Variants in SH2D3A observed in about 807,000 individuals in gnomAD.
SH2D3A encodes SH2 domain containing 3A, also known as SH2 domain-containing protein 3A.
In SH2D3A, 46 loss-of-function variants were observed where a neutral mutation model predicts 50.6. The observed-to-expected ratio is 0.91, with a 90% confidence interval of 0.72 to 1.16. The LOEUF is 1.16. SH2D3A is among the 50% of genes most tolerant of loss of function. SH2D3A has a pLI of 0.00. For synonymous variants in SH2D3A, 377 were observed against 348.4 expected, an observed-to-expected ratio of 1.08 and a Z score of -0.91; for missense variants, 783 against 786.2, an observed-to-expected ratio of 1.00 and a Z score of 0.05.
At position 6,752,297 on chromosome 19, in the gene SH2D3A, C is replaced by CTG. The variant is rs1210024545; in HGVS notation, c.*294_*295dup. 3 of 308,574 alleles carry CTG rather than the reference C, an allele frequency of 9.7e-6. No individual in the cohort carries two copies. Among genetic ancestry groups the CTG allele is most frequent in the African/African-American group, 2.1e-5 (1 of 46,582 alleles). 19.1% of individuals were successfully genotyped at this position (308,574 alleles called of 1,614,324 possible). A position where few individuals can be genotyped will look rare whatever the true frequency, so the allele number is the denominator to read the frequency against. On this transcript the variant is annotated 3_prime_UTR_variant, in exon 10 of 10. Coordinates refer to ENST00000245908, the MANE Select transcript of SH2D3A (RefSeq NM_005490.3). ...CTCCCAAAGTGCTGAGATTACAGGC[C>CTG]TGAGCTGCTGTATGGCTATGATTTT...
chr19:6,754,809 AGCATCCCAGGAGGTGACCCACCTG>A lies in SH2D3A; in HGVS notation c.979_981+21del, dbSNP rs1969554666. 6.2e-7 allele frequency: 1 copy of A among 1,611,312 alleles called. No homozygotes were observed. Among genetic ancestry groups the A allele is most frequent in the Admixed American group, 1.7e-5 (1 of 59,900 alleles). On this transcript the variant is annotated splice_donor_variant and splice_donor_5th_base_variant and coding_sequence_variant and intron_variant, in exon 5 of 10. Coordinates refer to ENST00000245908, the MANE Select transcript of SH2D3A (RefSeq NM_005490.3). LOFTEE classifies it high-confidence loss of function. ...GGGTCTTGCCCTGGGCCTGGGGAGGAGCATCCCAGGAGGTGACCCACCTGGCAGTCTACCAATAGCAGGTGAAGG... is the reference window on the plus strand; with the variant it reads ...GGGTCTTGCCCTGGGCCTGGGGAGGAGCAGTCTACCAATAGCAGGTGAAGG...
At position 6,760,637 on chromosome 19, in the gene SH2D3A, C is replaced by G; in HGVS notation, c.419+1G>C. 6.4e-7 allele frequency: 1 copy of G among 1,561,920 alleles called. No individual in the cohort carries two copies. Among genetic ancestry groups the G allele is most frequent in the Non-Finnish European group, 8.7e-7 (1 of 1,150,886 alleles). On this transcript the variant is annotated splice_donor_variant, in intron 3 of 9. Transcript: ENST00000245908. LOFTEE classifies it high-confidence loss of function. Reference sequence around the variant, plus strand: ...CAAGGAGGCAGGGAGACTGTGAGTACCTGAGAGGCTCTATCCGAGCTGGGC... The same window carrying G: ...CAAGGAGGCAGGGAGACTGTGAGTAGCTGAGAGGCTCTATCCGAGCTGGGC...
At chr19:6,764,923 G>C (rs916135415) in intron 1 of SH2D3A, among the ~76,000 whole-genome samples, 2 of 146,520 alleles carry the variant, frequency 1.4e-5, no homozygotes, top group African/African-American at 5.2e-5. Flanking sequence ...TGTTGCCCAG[G>C]CTGGAGTGCA....
chr19:6,752,595 A>G lies in SH2D3A; in HGVS notation c.1729T>C (p.Ter577ArgextTer54), dbSNP rs1046020720. ...VLSQRLEPDR[*>R] is the part of the protein sequence containing the mutation. ...TGTGAAGAAGGGTGTCTGCGCTCTC[A>G]GCGGTCAGGCTCCAGGCGCTGCGAC... The change falls in exon 10 of 10, where the codon TGA becomes CGA. Residue 577 changes from the stop codon to arginine (R), a stop_lost. Coordinates refer to ENST00000245908, the MANE Select transcript of SH2D3A (RefSeq NM_005490.3). 2 of 1,548,344 alleles carry G rather than the reference A, an allele frequency of 1.3e-6. No homozygotes were observed. The highest frequency in any genetic ancestry group is 1.7e-4 in the Middle Eastern group (1 of 5,910).
At position 6,753,106 on chromosome 19, in the gene SH2D3A, C is replaced by A. The variant is rs549985816; in HGVS notation, c.1570+350G>T. On this transcript the variant is annotated intron_variant, in intron 9 of 9. Coordinates refer to ENST00000245908, the MANE Select transcript of SH2D3A (RefSeq NM_005490.3). Reference sequence around the variant, plus strand: ...GGGGGATCTTGCCGGGTGGGCTGCCCTAGGATAGGACGGAGGAGTCGTTTT... The same window carrying A: ...GGGGGATCTTGCCGGGTGGGCTGCCATAGGATAGGACGGAGGAGTCGTTTT... 6 of 985,176 alleles carry A rather than the reference C, an allele frequency of 6.1e-6. No homozygotes were observed. In the South Asian group the frequency reaches 2.8e-4, roughly 46 times the overall value. The allele number at this position is 985,176 out of a possible 1,614,324, so 61.0% of individuals were successfully genotyped here.
In SH2D3A at chr19:6,755,032, G is replaced by T; in HGVS notation, c.780C>A (p.Ala260=). The T allele has an allele frequency of 6.2e-7, 1 of 1,613,940 alleles. No individual in the cohort carries two copies. The highest frequency in any genetic ancestry group is 8.5e-7 in the Non-Finnish European group (1 of 1,179,996). Residue 260 remains alanine, a synonymous_variant, in exon 5 of 10, where the codon GCC becomes GCA. Transcript: ENST00000245908. ...TATTCTCTTCCTCCTCATCCTCCTC[G>T]GCCTCCCACCATGGGGCCTCTGGCT... The part of the protein sequence containing the change: ...CPEPEAPWWE[A]EEDEEEENRC...
chr19:6,752,723 G>T lies in SH2D3A; in HGVS notation c.1601C>A (p.Ala534Asp). The part of the protein sequence containing the change: ...GFRPNPELRE[A>D]LTTGFVRRLL... ...CCTCCGCACGAAGCCGGTGGTCAGG[G>T]CCTCCCTCAGCTCCGGGTTAGGCCG... Residue 534 changes from alanine to aspartate, a missense_variant, in exon 10 of 10, where the codon GCC (alanine) becomes GAC (aspartate). Physicochemically the swap from Ala to Asp is moderately radical, Grantham distance 126 (BLOSUM62 -2). Transcript: ENST00000245908. The T allele has an allele frequency of 6.4e-7, 1 of 1,551,572 alleles. No individual in the cohort carries two copies.
In SH2D3A at chr19:6,753,449, C is replaced by A; in HGVS notation, c.1570+7G>T. 1 of 1,494,562 alleles carries A rather than the reference C, an allele frequency of 6.7e-7. No individual in the cohort carries two copies. The allele number at this position is 1,494,562 out of a possible 1,614,324, so 92.6% of individuals were successfully genotyped here. A position where few individuals can be genotyped will look rare whatever the true frequency, so the allele number is the denominator to read the frequency against. ...AGTCTGCAGTCCAGCGCAGAGGGAACGCTCACCTCGCAGGCGCTGGGCTGC... is the reference window on the plus strand; with the variant it reads ...AGTCTGCAGTCCAGCGCAGAGGGAAAGCTCACCTCGCAGGCGCTGGGCTGC... On this transcript the variant is annotated splice_region_variant and intron_variant, in intron 9 of 9. Transcript: ENST00000245908.
intron 1 of SH2D3A, among the ~76,000 whole-genome samples, chr19:6,764,933 A>C (rs948990901): frequency 1.4e-5 from 2 of 139,236 alleles, no homozygotes; most frequent in Non-Finnish European, 3.0e-5. Context: ...GCTGGAGTGC[A>C]GTGGCATGAT....
In SH2D3A at chr19:6,754,084, T is replaced by A; in HGVS notation, c.1352A>T (p.Lys451Met). The change falls in exon 8 of 10, where the codon AAG becomes ATG. Residue 451 changes from lysine (K) to methionine (M), a missense_variant. Transcript: ENST00000245908. ...CTCATCCAGAGCCCGCATCAGCGGC[T>A]TCAGCTCCTGCTCAAAGGCCAGCGC... Reference protein sequence around the residue: ...EAALAFEQELKPLMRALDEGA... With the variant: ...EAALAFEQELMPLMRALDEGA... 1 of 1,612,006 alleles carries A rather than the reference T, an allele frequency of 6.2e-7. No individual in the cohort carries two copies. Among genetic ancestry groups the A allele is most frequent in the Non-Finnish European group, 8.5e-7 (1 of 1,178,854 alleles).
At position 6,752,588 on chromosome 19, in the gene SH2D3A, C is replaced by G; in HGVS notation, c.*5G>C. 1 of 1,538,854 alleles carries G rather than the reference C, an allele frequency of 6.5e-7. No individual in the cohort carries two copies. Among genetic ancestry groups the G allele is most frequent in the Non-Finnish European group, 8.8e-7 (1 of 1,138,926 alleles). ...TCCCGGGTGTGAAGAAGGGTGTCTG[C>G]GCTCTCAGCGGTCAGGCTCCAGGCG... On this transcript the variant is annotated 3_prime_UTR_variant, in exon 10 of 10. Transcript: ENST00000245908.
In SH2D3A at chr19:6,759,661, C is replaced by T; in HGVS notation, c.429G>A (p.Lys143=). The T allele has an allele frequency of 6.2e-7, 1 of 1,613,802 alleles. No homozygotes were observed. Among genetic ancestry groups the T allele is most frequent in the Non-Finnish European group, 8.5e-7 (1 of 1,179,780 alleles). ...AATCTGCAGGCTGACTGTTGCTCCA[C>T]TTCCTTGCCCTGGGGGACAGAAGTG... is the stretch of plus-strand genomic sequence containing the variant. The part of the protein sequence containing the change: ...PARIEPLRAR[K]WSNSQPADLA... Residue 143 remains lysine (K), a synonymous_variant, in exon 4 of 10, where the codon AAG becomes AAA. Coordinates refer to ENST00000245908, the MANE Select transcript of SH2D3A (RefSeq NM_005490.3).
chr19:6,753,409 T>C, intron 9 of SH2D3A, 47 bp downstream of exon 9: 1 of 1,428,788 alleles, frequency 7.0e-7, no homozygotes, highest in Non-Finnish European at 9.2e-7. Context: ...GGTTAGAACC[T>C]GCAGGGTGCT....
At position 6,753,655 on chromosome 19, in the gene SH2D3A, G is replaced by A. The variant is rs1969460733; in HGVS notation, c.1385-14C>T. The A allele has an allele frequency of 3.2e-6, 5 of 1,549,064 alleles. No homozygotes were observed. The highest frequency in any genetic ancestry group is 1.4e-5 in the African/African-American group (1 of 73,984). On this transcript the variant is annotated splice_polypyrimidine_tract_variant and intron_variant, in intron 8 of 9. Transcript: ENST00000245908. ...GGTCGCAGGGTCCTGCGGAGGGGGA[G>A]GGTCTGATCAGGGTTTGGGGCTGTA...
At chr19:6,759,333 G>T in intron 4 of SH2D3A, 1 of 329,384 alleles carries the variant, frequency 3.0e-6, no homozygotes, top group Non-Finnish European at 5.8e-6. Flanking sequence ...GGCTGGTCTC[G>T]AATTCCTGAC....
chr19:6,757,092 C>G (rs965563665), intron 4 of SH2D3A, among the ~76,000 whole-genome samples: 6 of 151,922 alleles, frequency 3.9e-5, no homozygotes, highest in African/African-American at 1.5e-4. Context: ...GTCTTGATCT[C>G]TTGACCTCGT....
At chr19:6,756,619 T>C (rs1969695412) in intron 4 of SH2D3A, among the ~76,000 whole-genome samples, 1 of 152,140 alleles carries the variant, frequency 6.6e-6, no homozygotes, top group Non-Finnish European at 1.5e-5. Context: ...CCTGGACTAT[T>C]AGTACTTAAA....
chr19:6,753,452 T>G lies in SH2D3A; in HGVS notation c.1570+4A>C. On this transcript the variant is annotated splice_donor_region_variant and intron_variant, in intron 9 of 9. Transcript: ENST00000245908. ...CTGCAGTCCAGCGCAGAGGGAACGC[T>G]CACCTCGCAGGCGCTGGGCTGCCAC... 6.7e-7 allele frequency: 1 copy of G among 1,498,114 alleles called. No homozygotes were observed. Among genetic ancestry groups the G allele is most frequent in the Middle Eastern group, 1.7e-4 (1 of 5,762 alleles). 92.8% of individuals were successfully genotyped at this position (1,498,114 alleles called of 1,614,324 possible).
chr19:6,753,408 C>G (rs1461319066), intron 9 of SH2D3A, 48 bp downstream of exon 9: 96 of 1,428,272 alleles, frequency 6.7e-5, no homozygotes, highest in Non-Finnish European at 8.7e-5. Flanking sequence ...CGGTTAGAAC[C>G]TGCAGGGTGC....
Sources: gnomAD v4.1 joint callset for allele counts (sites outside exome capture counted in the v4.1 genomes callset) on GRCh38, gnomAD v4.1.1 for gene constraint, MANE v1.5 for transcripts, NCBI Gene and HGNC (gene_info 2026-07-23, HGNC 2026-07-21) for gene names.